The following TXNDC8 variants were observed in gnomAD, a reference collection of about 807,000 sequenced individuals.
TXNDC8 encodes thioredoxin domain containing 8.
A neutral mutation model predicts 12.9 loss-of-function variants in TXNDC8; 15 were observed. The ratio of observed to expected loss-of-function variants is 1.16; its 90% CI spans 0.78 to 1.79. TXNDC8 has a LOEUF of 1.79. Ranked by LOEUF, TXNDC8 falls within the 40% of genes most tolerant of loss-of-function variation. The pLI is 0.00. For synonymous variants in TXNDC8, 40 were observed against 35.4 expected (o/e 1.13, Z -0.46); for missense variants, 128 against 113.2 (o/e 1.13, Z -0.59).
intron 3 of TXNDC8, among the ~76,000 whole-genome samples, chr9:110,324,364 T>A (rs550800955): frequency 5.4e-4 from 82 of 152,322 alleles, no homozygotes; most frequent in Non-Finnish European, 9.4e-4. Context: ...AGTGTTATTT[T>A]AAAAAATAAT....
At position 110,303,493 on chromosome 9, in the gene TXNDC8, A is replaced by G. The variant is rs1241705593; in HGVS notation, c.*189T>C. On this transcript the variant is annotated 3_prime_UTR_variant, in exon 5 of 5. Coordinates refer to ENST00000423740, the MANE Select transcript of TXNDC8 (RefSeq NM_001286946.2). ...ATTTGCTCTTGCCTTTTCAAATGTC[A>G]CAAGTGTATTTTGCCTTGGAGATCA... The G allele has an allele frequency of 6.6e-7, 1 of 1,518,352 alleles. No individual in the cohort carries two copies. The highest frequency in any genetic ancestry group is 8.9e-7 in the Non-Finnish European group (1 of 1,125,984). The allele number at this position is 1,518,352 out of a possible 1,614,324, so 94.1% of individuals were successfully genotyped here.
chr9:110,326,583 G>C (rs1448698738), intron 2 of TXNDC8, among the ~76,000 whole-genome samples: 1 of 152,154 alleles, frequency 6.6e-6, no homozygotes, highest in South Asian at 2.1e-4. Flanking sequence ...GGCCCCAGTG[G>C]AACTCAGTAT....
chr9:110,314,438 C>CTTTTTCTTTT (rs1838802895), intron 3 of TXNDC8, among the ~76,000 whole-genome samples: 2 of 124,724 alleles, frequency 1.6e-5, no homozygotes, highest in Middle Eastern at 4.3e-3. Context: ...TTTCTTTTTT[C>CTTTTTCTTTT]TTTTTTTTTT....
At chr9:110,308,435 C>G (rs568113310) in intron 3 of TXNDC8, among the ~76,000 whole-genome samples, 77 of 151,750 alleles carry the variant, frequency 5.1e-4, no homozygotes, top group African/African-American at 1.7e-3. Context: ...TTAATTTCTC[C>G]TTACCATTAG....
At chr9:110,316,097 G>T (rs1364611673) in intron 3 of TXNDC8, among the ~76,000 whole-genome samples, 1 of 151,012 alleles carries the variant, frequency 6.6e-6, no homozygotes, top group Non-Finnish European at 1.5e-5. Context: ...AAGAGATGGG[G>T]TTTCACCATC....
chr9:110,315,039 CCACAAA>C (rs1038140073), intron 3 of TXNDC8, among the ~76,000 whole-genome samples: 2 of 152,138 alleles, frequency 1.3e-5, no homozygotes, highest in Admixed American at 1.3e-4. Context: ...TTTCAAACAT[CCACAAA>C]AATAAAATAA....
rs370897826 is a variant in TXNDC8 at position 110,325,249 on chromosome 9, A to G, written c.195+926T>C. On this transcript the variant is annotated intron_variant, in intron 3 of 4. Coordinates refer to ENST00000423740, the MANE Select transcript of TXNDC8 (RefSeq NM_001286946.2). The stretch of plus-strand genomic sequence containing the variant: ...AAGCACTTAATGCCAGGATGGGTCT[A>G]AACACCTGAGTCATGTTAATTCATT... Among the ~76,000 whole-genome samples the G allele has an allele frequency of 4.6e-4, 70 of 152,322 alleles. 1 individual carries two copies. The South Asian group carries it at 7.7e-3, about 17-fold the overall frequency.
chr9:110,306,005 C>A lies in TXNDC8; in HGVS notation c.196-1473G>T, dbSNP rs151302734. 2.0e-3 allele frequency among the ~76,000 whole-genome samples: 300 copies of A among 152,060 alleles called. 1 individual carries two copies. The highest frequency in any genetic ancestry group is 6.9e-3 in the African/African-American group (284 of 41,454). On this transcript the variant is annotated intron_variant, in intron 3 of 4. Transcript: ENST00000423740. ...TCCCGGCTTCAAGCGATTCTCCCAC[C>A]TCTGCCTCCCACCACCACTCCTGGT... is the stretch of plus-strand genomic sequence containing the variant.
intron 3 of TXNDC8, among the ~76,000 whole-genome samples, chr9:110,308,696 C>T (rs1838550657): frequency 6.6e-6 from 1 of 152,092 alleles, no homozygotes; most frequent in African/African-American, 2.4e-5. Context: ...CTCTCATTTA[C>T]TTTCCTTCTA....
intron 2 of TXNDC8, among the ~76,000 whole-genome samples, chr9:110,329,543 A>G (rs1210154428): frequency 6.6e-6 from 1 of 152,206 alleles, no homozygotes; most frequent in East Asian, 1.9e-4. Context: ...TAGAGTTTCA[A>G]GGTTGGCAAA....
chr9:110,316,600 G>C (rs13292018), intron 3 of TXNDC8, among the ~76,000 whole-genome samples: 8,332 of 152,276 alleles, frequency 0.055, 277 homozygotes, highest in Middle Eastern at 0.092. Context: ...TCAAGAACAA[G>C]AGCCTATAAA....
At chr9:110,327,895 G>A (rs1214835836) in intron 2 of TXNDC8, among the ~76,000 whole-genome samples, 1 of 152,086 alleles carries the variant, frequency 6.6e-6, no homozygotes, top group Non-Finnish European at 1.5e-5. Context: ...ACAACTCTGT[G>A]AATATAGAAA....
At chr9:110,308,269 T>C (rs1486863130) in intron 3 of TXNDC8, among the ~76,000 whole-genome samples, 1 of 152,282 alleles carries the variant, frequency 6.6e-6, no homozygotes, top group Middle Eastern at 3.4e-3. Flanking sequence ...GCTTTCATGA[T>C]GATGGAAGGC....
At chr9:110,323,983 T>C (rs1483069415) in intron 3 of TXNDC8, 3 of 1,550,540 alleles carry the variant, frequency 1.9e-6, no homozygotes, top group African/African-American at 1.4e-5. Flanking sequence ...CTGGTTGGTG[T>C]AGGCCTGGAG....
Position 110,323,452 on chromosome 9 carries a change from G to A in TXNDC8, c.195+2723C>T, listed in dbSNP as rs942123795. On this transcript the variant is annotated intron_variant, in intron 3 of 4. Coordinates refer to ENST00000423740, the MANE Select transcript of TXNDC8 (RefSeq NM_001286946.2). ...ATTGAGAAATGGCTATTTAAATTAG[G>A]TGCAGGGAGATCCTTGGTGACTTTA... 1.7e-5 allele frequency: 9 copies of A among 537,080 alleles called. No individual in the cohort carries two copies. In the East Asian group the frequency reaches 1.0e-3, roughly 61 times the overall value. 33.3% of individuals were successfully genotyped at this position (537,080 alleles called of 1,614,324 possible).
downstream of TXNDC8, among the ~76,000 whole-genome samples, chr9:110,303,061 CAA>C (rs34213696): frequency 1.4e-5 from 2 of 143,942 alleles, no homozygotes; most frequent in East Asian, 4.0e-4. Context: ...AAGACTGTCT[CAA>C]AAAAAAAAAA....
intron 3 of TXNDC8, chr9:110,324,017 G>A (rs1839213429): frequency 9.7e-6 from 15 of 1,548,274 alleles, no homozygotes; most frequent in East Asian, 7.3e-5. Context: ...GAAGTACATG[G>A]GATAAGAATG....
chr9:110,334,396 G>T, intron 1 of TXNDC8, 76 bp from the exon 2 acceptor site: 1 of 1,352,696 alleles, frequency 7.4e-7, no homozygotes, highest in Non-Finnish European at 1.0e-6. Flanking sequence ...GAAGATGACA[G>T]ATTAGTTTTG....
At chr9:110,316,672 G>A (rs1733938444) in intron 3 of TXNDC8, among the ~76,000 whole-genome samples, 4 of 152,170 alleles carry the variant, frequency 2.6e-5, no homozygotes, top group South Asian at 2.1e-4. Context: ...CTAATAGTGC[G>A]ATACCAGCAA....
Sources: gnomAD v4.1 joint callset for allele counts (sites outside exome capture counted in the v4.1 genomes callset) on GRCh38, gnomAD v4.1.1 for gene constraint, MANE v1.5 for transcripts, NCBI Gene and HGNC (gene_info 2026-07-23, HGNC 2026-07-21) for gene names.